ZC2HC1B: variants seen among roughly 807,000 people sequenced by gnomAD.
ZC2HC1B encodes zinc finger C2HC domain-containing protein 1B.
In ZC2HC1B, 36 loss-of-function variants were observed where a neutral mutation model predicts 31.0. The ratio of observed to expected loss-of-function variants is 1.16; its 90% CI spans 0.89 to 1.54. The LOEUF is 1.54. Among genes scored for constraint, ZC2HC1B ranks in the 40% most tolerant of loss-of-function variants. The probability of loss-of-function intolerance (pLI) is 0.00; values close to 1 mark genes in which losing one functional copy is unlikely to be tolerated. For missense variants in ZC2HC1B, 260 were observed against 268.6 expected, an observed-to-expected ratio of 0.97 and a Z score of 0.22; for synonymous variants, 73 against 88.0, an observed-to-expected ratio of 0.83 and a Z score of 0.95.
intron 6 of ZC2HC1B, among the ~76,000 whole-genome samples, chr6:143,931,906 C>T (rs1414904205): frequency 6.9e-6 from 1 of 145,872 alleles, no homozygotes; most frequent in Non-Finnish European, 1.5e-5. Context: ...TTTTGTTGCC[C>T]AAAGCTGGAG....
At chr6:143,898,432 A>T in intron 4 of ZC2HC1B, 120 bp from the exon 5 acceptor site, 4 of 1,269,172 alleles carry the variant, frequency 3.2e-6, no homozygotes, top group Non-Finnish European at 4.3e-6. Context: ...GAGTGCTGGG[A>T]TTACTGGCAT....
At position 143,910,976 on chromosome 6, in the gene ZC2HC1B, C is replaced by T. The variant is rs563884956; in HGVS notation, c.598+7824C>T. 1.4e-3 allele frequency among the ~76,000 whole-genome samples: 217 copies of T among 152,286 alleles called. 5 individuals carry two copies. Among genetic ancestry groups the T allele is most frequent in the East Asian group, 1.9e-4 (1 of 5,178 alleles). ...CCATGTTGGCCAGGGTAGTCTCAAACTCCTAATCTCAGGTTATTCACCTGC... is the reference window on the plus strand; with the variant it reads ...CCATGTTGGCCAGGGTAGTCTCAAATTCCTAATCTCAGGTTATTCACCTGC... On this transcript the variant is annotated intron_variant, in intron 6 of 7. Coordinates refer to ENST00000237275, the MANE Select transcript of ZC2HC1B (RefSeq NM_001013623.3).
chr6:143,910,972 C>T (rs148808798), intron 6 of ZC2HC1B, among the ~76,000 whole-genome samples: 16 of 152,246 alleles, frequency 1.1e-4, no homozygotes, highest in Non-Finnish European at 2.1e-4. Context: ...AGGGTAGTCT[C>T]AAACTCCTAA....
rs1777938752 is a variant in ZC2HC1B, at chr6:143,918,038, G to C, written c.598+14886G>C. ...ATTGAGATTTTGATTTCTTCATACAGCTTCAAGTTTCTGTCTAGGATCCTC... is the reference window on the plus strand; with the variant it reads ...ATTGAGATTTTGATTTCTTCATACACCTTCAAGTTTCTGTCTAGGATCCTC... On this transcript the variant is annotated intron_variant, in intron 6 of 7. Transcript: ENST00000237275. This position sits in a 1 kb window ranked among gnomAD's most constrained non-coding sequence, Gnocchi z 4.1. 2.0e-5 allele frequency among the ~76,000 whole-genome samples: 3 copies of C among 152,152 alleles called. No homozygotes were observed. Among genetic ancestry groups the C allele is most frequent in the Admixed American group, 2.0e-4 (3 of 15,250 alleles).
chr6:143,890,499 G>C (rs1186136277), intron 4 of ZC2HC1B, among the ~76,000 whole-genome samples: 3 of 150,890 alleles, frequency 2.0e-5, no homozygotes, highest in Non-Finnish European at 4.4e-5. Context: ...ACACTTAATA[G>C]TGAAAAACTG....
intron 1 of ZC2HC1B, among the ~76,000 whole-genome samples, chr6:143,866,149 T>A (rs1226359624): frequency 6.6e-6 from 1 of 152,200 alleles, no homozygotes; most frequent in African/African-American, 2.4e-5. Context: ...CCGTGAATGG[T>A]GTAAAACCAC....
At chr6:143,879,270 A>G (rs938774587) in intron 1 of ZC2HC1B, among the ~76,000 whole-genome samples, 3 of 152,138 alleles carry the variant, frequency 2.0e-5, no homozygotes, top group African/African-American at 7.2e-5. Flanking sequence ...TACAATGTCT[A>G]TTAGCTTTCC....
rs981274706 is a variant in ZC2HC1B, at chr6:143,872,095, A to G, written c.28+7528A>G. 1.3e-5 allele frequency among the ~76,000 whole-genome samples: 2 copies of G among 152,188 alleles called. No homozygotes were observed. The highest frequency in any genetic ancestry group is 2.9e-5 in the Non-Finnish European group (2 of 68,024). Reference sequence around the variant, plus strand: ...CCCCAATGCATAGTTACCCTGGTACAAGGCCAGAGGTCTTCTTGGGGAAGG... The same window carrying G: ...CCCCAATGCATAGTTACCCTGGTACGAGGCCAGAGGTCTTCTTGGGGAAGG... On this transcript the variant is annotated intron_variant, in intron 1 of 7. Coordinates refer to ENST00000237275, the MANE Select transcript of ZC2HC1B (RefSeq NM_001013623.3). This position sits in a 1 kb window ranked among gnomAD's most constrained non-coding sequence, Gnocchi z 5.5.
At chr6:143,866,872 C>T (rs1271309398) in intron 1 of ZC2HC1B, among the ~76,000 whole-genome samples, 2 of 152,028 alleles carry the variant, frequency 1.3e-5, no homozygotes, top group African/African-American at 4.8e-5. Context: ...ATAGAAGTCC[C>T]CTGTGAATCC....
At chr6:143,902,217 G>T (rs1777745699) in intron 5 of ZC2HC1B, among the ~76,000 whole-genome samples, 1 of 152,146 alleles carries the variant, frequency 6.6e-6, no homozygotes, top group African/African-American at 2.4e-5. Flanking sequence ...TAATAGTGAA[G>T]CTTATTCAAA....
intron 1 of ZC2HC1B, among the ~76,000 whole-genome samples, chr6:143,882,221 T>C (rs9496794): frequency 0.094 from 14,247 of 151,090 alleles, 1,006 homozygotes; most frequent in African/African-American, 0.2. Context: ...TTCATAAAAA[T>C]AGATTATCCT....
At chr6:143,898,818 T>A (rs1440403810) in intron 5 of ZC2HC1B, 127 bp downstream of exon 5, 1 of 1,222,100 alleles carries the variant, frequency 8.2e-7, no homozygotes, top group Admixed American at 2.7e-5. Context: ...CTGATCATGA[T>A]TGCTCACCCC....
At chr6:143,888,429 A>T (rs1777557031) in intron 4 of ZC2HC1B, among the ~76,000 whole-genome samples, 1 of 152,038 alleles carries the variant, frequency 6.6e-6, no homozygotes, top group Admixed American at 6.5e-5. Flanking sequence ...TTTCTGTAAA[A>T]ATATTATAAT....
intron 6 of ZC2HC1B, among the ~76,000 whole-genome samples, chr6:143,927,192 T>C (rs935563025): frequency 2.6e-4 from 39 of 152,148 alleles, no homozygotes; most frequent in Admixed American, 2.3e-3. Context: ...AAATACAGCT[T>C]TGTTACATGG....
intron 6 of ZC2HC1B, among the ~76,000 whole-genome samples, chr6:143,907,213 G>A (rs1411037120): frequency 2.6e-5 from 4 of 152,102 alleles, no homozygotes; most frequent in Non-Finnish European, 4.4e-5. Flanking sequence ...CCATGTCTTT[G>A]CTATTGTGAA....
rs1024824300 is a variant in ZC2HC1B, at chr6:143,913,135, C to T, written c.598+9983C>T. On this transcript the variant is annotated intron_variant, in intron 6 of 7. Transcript: ENST00000237275. The surrounding 1 kb of genome is among the most constrained non-coding windows in gnomAD (Gnocchi z 5.7). ...TCCAACCAACCCAGGTGACAGCCCT[C>T]CCCTCCTCTGGGCACTTCATCCCAG... Among the ~76,000 whole-genome samples the T allele has an allele frequency of 6.6e-6, 1 of 152,244 alleles. No homozygotes were observed. Among genetic ancestry groups the T allele is most frequent in the African/African-American group, 2.4e-5 (1 of 41,466 alleles).
At position 143,924,468 on chromosome 6, in the gene ZC2HC1B, A is replaced by G. The variant is rs191061816; in HGVS notation, c.599-13181A>G. Among the ~76,000 whole-genome samples, 1 of 152,026 alleles carries G rather than the reference A, an allele frequency of 6.6e-6. No individual in the cohort carries two copies. Among genetic ancestry groups the G allele is most frequent in the Non-Finnish European group, 1.5e-5 (1 of 67,976 alleles). On this transcript the variant is annotated intron_variant, in intron 6 of 7. Coordinates refer to ENST00000237275, the MANE Select transcript of ZC2HC1B (RefSeq NM_001013623.3). This position sits in a 1 kb window ranked among gnomAD's most constrained non-coding sequence, Gnocchi z 5.2. ...GACTTCCTCTATTCCAATTTAGATG[A>G]CATTTATTTATTTCTCTTGCCTGAT... is the stretch of plus-strand genomic sequence containing the variant.
chr6:143,886,755 C>T lies in ZC2HC1B; in HGVS notation c.283C>T (p.Gln95Ter). 1.3e-6 allele frequency: 2 copies of T among 1,549,892 alleles called. No homozygotes were observed. Among genetic ancestry groups the T allele is most frequent in the Non-Finnish European group, 1.7e-6 (2 of 1,146,148 alleles). Reference sequence around the variant, plus strand: ...TATTAATGCAATCCGATCAGCAAAGCAGTGTATGCTAGCCATTAAAGAAGG... The same window carrying T: ...TATTAATGCAATCCGATCAGCAAAGTAGTGTATGCTAGCCATTAAAGAAGG... The part of the protein sequence containing the change: ...DFINAIRSAK[Q>*]CMLAIKEGRP... The change falls in exon 4 of 8, where the codon CAG (glutamine) becomes TAG (stop). Residue 95 changes from glutamine (Q) to a stop codon, truncating the protein, a stop_gained. Transcript: ENST00000237275. LOFTEE classifies it high-confidence loss of function. The surrounding 1 kb of genome is among the most constrained non-coding windows in gnomAD (Gnocchi z 4.2).
chr6:143,875,694 G>T (rs555389682), intron 1 of ZC2HC1B, among the ~76,000 whole-genome samples: 1 of 150,568 alleles, frequency 6.6e-6, no homozygotes, highest in African/African-American at 2.4e-5. Flanking sequence ...CACCTCTAGG[G>T]CCCCACAGGA....
Sources: allele counts gnomAD v4.1 joint callset (sites outside exome capture counted in the v4.1 genomes callset), GRCh38; gene constraint gnomAD v4.1.1; non-coding constraint Gnocchi (gnomAD v3.1); transcripts MANE v1.5; gene names NCBI Gene and HGNC (gene_info 2026-07-23, HGNC 2026-07-21).